Variants in PPP1R16B observed in about 807,000 individuals in gnomAD.
PPP1R16B encodes the protein protein phosphatase 1 regulatory inhibitor subunit 16B.
A neutral mutation model predicts 61.7 loss-of-function variants in PPP1R16B; 14 were observed. The observed-to-expected ratio is 0.23, with a 90% CI of 0.15 to 0.35. The LOEUF is 0.35. Among genes scored for constraint, PPP1R16B ranks in the 10% least tolerant of loss-of-function variants. PPP1R16B has a pLI of 1.00. For synonymous variants in PPP1R16B, 266 were observed against 305.3 expected, an observed-to-expected ratio of 0.87 and a Z score of 1.34; for missense variants, 547 against 752.5, an observed-to-expected ratio of 0.73 and a Z score of 3.19.
chr20:38,871,867 A>T (rs1036015585), intron 2 of PPP1R16B, among the ~76,000 whole-genome samples: 2 of 152,234 alleles, frequency 1.3e-5, no homozygotes, highest in African/African-American at 4.8e-5. Context: ...CACATATGTA[A>T]TTTTAAATGT....
intron 2 of PPP1R16B, among the ~76,000 whole-genome samples, chr20:38,852,768 T>TTTTTTTTTTG (rs1601257219): frequency 1.6e-5 from 1 of 62,336 alleles, no homozygotes. Context: ...TTTTTTTTTT[T>TTTTTTTTTTG]GCGGGGGGTG....
intron 2 of PPP1R16B, among the ~76,000 whole-genome samples, chr20:38,840,938 A>C (rs1326535014): frequency 6.6e-6 from 1 of 152,146 alleles, no homozygotes; most frequent in Non-Finnish European, 1.5e-5. Flanking sequence ...AAGTGGTATA[A>C]ATTGTTGTTA....
At chr20:38,897,082 T>C (rs1379033983) in intron 4 of PPP1R16B, among the ~76,000 whole-genome samples, 1 of 149,200 alleles carries the variant, frequency 6.7e-6, no homozygotes, top group East Asian at 2.0e-4. Context: ...GGAGGCGGAG[T>C]TTGCGATGAG....
In PPP1R16B at chr20:38,831,923, G is replaced by A. The variant is rs932482823; in HGVS notation, c.-101-3902G>A. On this transcript the variant is annotated intron_variant, in intron 1 of 10. Transcript: ENST00000299824. The stretch of plus-strand genomic sequence containing the variant: ...TGCTCCTTTTGGGCTGGGCAGCCAC[G>A]TCCTCTTCGGGCCATGCTTGTGCAT... 4.6e-5 allele frequency among the ~76,000 whole-genome samples: 7 copies of A among 152,158 alleles called. No homozygotes were observed. In the South Asian group the frequency reaches 6.2e-4, roughly 14 times the overall value.
chr20:38,851,926 G>A (rs2084971558), intron 2 of PPP1R16B, among the ~76,000 whole-genome samples: 1 of 152,110 alleles, frequency 6.6e-6, no homozygotes. Context: ...CTAGCTGCTT[G>A]GGAGGCTGAG....
Position 38,806,824 on chromosome 20 carries a change from C to G in PPP1R16B, c.-102+1032C>G, listed in dbSNP as rs555128505. On this transcript the variant is annotated intron_variant, in intron 1 of 10. Coordinates refer to ENST00000299824, the MANE Select transcript of PPP1R16B (RefSeq NM_015568.4). This position sits in a 1 kb window ranked among gnomAD's most constrained non-coding sequence, Gnocchi z 4.5. ...GCTTTGAATCTGGCCCTCCTGAGACCCCAGGGCTGCGCCGCTGCCGCGCGC... is the reference window on the plus strand; with the variant it reads ...GCTTTGAATCTGGCCCTCCTGAGACGCCAGGGCTGCGCCGCTGCCGCGCGC... 1.3e-5 allele frequency among the ~76,000 whole-genome samples: 2 copies of G among 152,134 alleles called. No homozygotes were observed. The highest frequency in any genetic ancestry group is 2.9e-5 in the Non-Finnish European group (2 of 68,012).
chr20:38,813,686 T>C (rs1489985760), intron 1 of PPP1R16B, among the ~76,000 whole-genome samples: 3 of 152,050 alleles, frequency 2.0e-5, no homozygotes, highest in African/African-American at 7.2e-5. Context: ...AATCACTTGG[T>C]ACTTATTATG....
chr20:38,826,390 T>TAGGCA lies in PPP1R16B; in HGVS notation c.-101-9435_-101-9434insAGGCA, dbSNP rs532272355. Reference sequence around the variant, plus strand: ...GTTAGCTTTGTGTGTGCCCCTGTCCTTGGCACCCTTGTTCCTGTCCCCTAC... The same window carrying TAGGCA: ...GTTAGCTTTGTGTGTGCCCCTGTCCTAGGCATGGCACCCTTGTTCCTGTCCCCTAC... On this transcript the variant is annotated intron_variant, in intron 1 of 10. Coordinates refer to ENST00000299824, the MANE Select transcript of PPP1R16B (RefSeq NM_015568.4). Among the ~76,000 whole-genome samples, 196 of 152,356 alleles carry TAGGCA rather than the reference T, an allele frequency of 1.3e-3. 1 individual carries two copies. The highest frequency in any genetic ancestry group is 4.5e-3 in the African/African-American group (188 of 41,578).
intron 2 of PPP1R16B, among the ~76,000 whole-genome samples, chr20:38,852,768 T>TTTTTG (rs1601257219): frequency 1.6e-4 from 10 of 62,336 alleles, no homozygotes; most frequent in East Asian, 5.2e-4. Flanking sequence ...TTTTTTTTTT[T>TTTTTG]GCGGGGGGTG....
At chr20:38,852,145 T>C (rs973455748) in intron 2 of PPP1R16B, among the ~76,000 whole-genome samples, 1 of 152,204 alleles carries the variant, frequency 6.6e-6, no homozygotes, top group Admixed American at 6.5e-5. Context: ...GAGAGGACAC[T>C]GTGAGCAACA....
rs528245210 is a variant in PPP1R16B, at chr20:38,852,700, T to C, written c.250+16525T>C. On this transcript the variant is annotated intron_variant, in intron 2 of 10. Coordinates refer to ENST00000299824, the MANE Select transcript of PPP1R16B (RefSeq NM_015568.4). The stretch of plus-strand genomic sequence containing the variant: ...ACCCATTGAGAAGATAGATGAGGCA[T>C]TGCTAGCATGATTGATTCTTGCTTG... Among the ~76,000 whole-genome samples the C allele has an allele frequency of 1.1e-4, 16 of 151,238 alleles. No individual in the cohort carries two copies. In the East Asian group the frequency reaches 2.0e-3, roughly 18 times the overall value.
At chr20:38,865,746 G>A (rs1013837666) in intron 2 of PPP1R16B, among the ~76,000 whole-genome samples, 1 of 152,218 alleles carries the variant, frequency 6.6e-6, no homozygotes, top group Non-Finnish European at 1.5e-5. Context: ...TCCTATCTCC[G>A]GGTCTCCTGC....
At chr20:38,912,503 C>CAAAAAAA (rs58456397) in intron 10 of PPP1R16B, among the ~76,000 whole-genome samples, 1 of 81,026 alleles carries the variant, frequency 1.2e-5, no homozygotes. Flanking sequence ...TACCCCCCAC[C>CAAAAAAA]AAAAAAAAAA....
intron 1 of PPP1R16B, among the ~76,000 whole-genome samples, chr20:38,826,909 G>T (rs978674671): frequency 2.0e-5 from 3 of 151,944 alleles, no homozygotes; most frequent in Non-Finnish European, 4.4e-5. Context: ...GATCCTAGTT[G>T]TTCTTTTTAA....
At chr20:38,895,893 C>T (rs1251679461) in intron 4 of PPP1R16B, among the ~76,000 whole-genome samples, 183 bp downstream of exon 4, 3 of 102,170 alleles carry the variant, frequency 2.9e-5, no homozygotes, top group African/African-American at 1.3e-4. Flanking sequence ...TTTCTTCCCT[C>T]CCTCCCTCCT....
At chr20:38,910,836 A>G (rs1374899467) in intron 10 of PPP1R16B, among the ~76,000 whole-genome samples, 1 of 152,086 alleles carries the variant, frequency 6.6e-6, no homozygotes, top group Non-Finnish European at 1.5e-5. Flanking sequence ...CTCTACTAAA[A>G]ATACAAAAAT....
chr20:38,908,351 A>G (rs1253059701), intron 10 of PPP1R16B, among the ~76,000 whole-genome samples, 158 bp downstream of exon 10: 2 of 152,360 alleles, frequency 1.3e-5, no homozygotes, highest in Non-Finnish European at 1.5e-5. Context: ...TGGCTACTGT[A>G]GTTAAACCAG....
chr20:38,851,934 G>A (rs1157499244), intron 2 of PPP1R16B, among the ~76,000 whole-genome samples: 1 of 152,224 alleles, frequency 6.6e-6, no homozygotes, highest in Non-Finnish European at 1.5e-5. Context: ...TTGGGAGGCT[G>A]AGGCCGGAGA....
chr20:38,867,759 G>T lies in PPP1R16B; in HGVS notation c.251-21836G>T, dbSNP rs150754639. ...GTGAACTTGGCTCACTGCAACCTCC[G>T]CCTCCTGGGTTCAAGCAATTCTCCT... is the stretch of plus-strand genomic sequence containing the variant. On this transcript the variant is annotated intron_variant, in intron 2 of 10. Coordinates refer to ENST00000299824, the MANE Select transcript of PPP1R16B (RefSeq NM_015568.4). Among the ~76,000 whole-genome samples, 1,181 of 151,790 alleles carry T rather than the reference G, an allele frequency of 7.8e-3. 19 individuals are homozygous for T. The highest frequency in any genetic ancestry group is 0.027 in the African/African-American group (1,134 of 41,338).
Sources: gnomAD v4.1 joint callset for allele counts (sites outside exome capture counted in the v4.1 genomes callset) on GRCh38, gnomAD v4.1.1 for gene constraint, Gnocchi (gnomAD v3.1) non-coding constraint, MANE v1.5 for transcripts, NCBI Gene and HGNC (gene_info 2026-07-23, HGNC 2026-07-21) for gene names.